EEPD1: variants seen among roughly 807,000 people sequenced by gnomAD.
EEPD1 encodes the protein endonuclease/exonuclease/phosphatase family domain containing 1.
Under a neutral mutation model 46.3 loss-of-function variants are expected in EEPD1, and 17 were observed. The observed-to-expected ratio is 0.37, with a 90% CI of 0.25 to 0.55. The LOEUF is 0.55. Ranked by LOEUF, EEPD1 falls within the 20% of genes least tolerant of loss-of-function variation. The pLI is 0.83. For missense variants in EEPD1, 673 were observed against 745.6 expected (o/e 0.90, Z 1.13); for synonymous variants, 313 against 315.6 (o/e 0.99, Z 0.09).
rs1209388350 is a variant in EEPD1 at position 36,287,664 on chromosome 7, T to C, written c.1202T>C (p.Val401Ala). 1.2e-6 allele frequency: 2 copies of C among 1,614,096 alleles called. No homozygotes were observed. The highest frequency in any genetic ancestry group is 1.1e-5 in the South Asian group (1 of 91,080). ...GTGGGAAGTCACGACCTGACCCTTG[T>C]TAACCTTCACCTGGCAGCCCTGACC... ...FKVGSHDLTL[V>A]NLHLAALTLL... The change falls in exon 6 of 8, where the codon GTT (valine) becomes GCT (alanine). Residue 401 changes from valine to alanine, a missense_variant. Val to Ala is a moderately conservative substitution (Grantham distance 64). Coordinates refer to ENST00000242108, the MANE Select transcript of EEPD1 (RefSeq NM_030636.3).
At chr7:36,202,588 G>C (rs1341962219) in intron 2 of EEPD1, among the ~76,000 whole-genome samples, 1 of 152,174 alleles carries the variant, frequency 6.6e-6, no homozygotes. Context: ...TAAGAGGCTT[G>C]TGGCAAGACT....
In EEPD1 at chr7:36,248,547, G is replaced by A. The variant is rs566157049; in HGVS notation, c.930+9511G>A. ...TTTTTTTTTTTTCCAAAAAAACACTGTGTTATTTCAAAAATATCAGAATGA... is the reference window on the plus strand; with the variant it reads ...TTTTTTTTTTTTCCAAAAAAACACTATGTTATTTCAAAAATATCAGAATGA... On this transcript the variant is annotated intron_variant, in intron 3 of 7. Transcript: ENST00000242108. 9.5e-5 allele frequency among the ~76,000 whole-genome samples: 13 copies of A among 136,890 alleles called. No individual in the cohort carries two copies. The South Asian group carries it at 1.9e-3, about 20-fold the overall frequency. The allele number at this position is 136,890 out of a possible 152,430, so 89.8% of individuals were successfully genotyped here.
chr7:36,210,734 G>A lies in EEPD1; in HGVS notation c.879-28251G>A, dbSNP rs537471611. 3.3e-5 allele frequency among the ~76,000 whole-genome samples: 5 copies of A among 152,222 alleles called. No individual in the cohort carries two copies. In the East Asian group the frequency reaches 5.8e-4, roughly 18 times the overall value. On this transcript the variant is annotated intron_variant, in intron 2 of 7. Transcript: ENST00000242108. ...CCTGCGCATTTGCTGCTGCCTCCGCGTAGACCTTTTCCTTTCTCATGACTC... is the reference window on the plus strand; with the variant it reads ...CCTGCGCATTTGCTGCTGCCTCCGCATAGACCTTTTCCTTTCTCATGACTC...
intron 6 of EEPD1, among the ~76,000 whole-genome samples, chr7:36,294,481 G>C (rs1787491944): frequency 6.6e-6 from 1 of 152,156 alleles, no homozygotes; most frequent in African/African-American, 2.4e-5. Flanking sequence ...AAGCTAAAGA[G>C]TGAAATGTAT....
At chr7:36,202,536 G>T (rs917223934) in intron 2 of EEPD1, among the ~76,000 whole-genome samples, 1 of 152,038 alleles carries the variant, frequency 6.6e-6, no homozygotes, top group Non-Finnish European at 1.5e-5. Context: ...GCTCTGCGAG[G>T]GTGTCCACAG....
intron 7 of EEPD1, 48 bp downstream of exon 7, chr7:36,297,235 G>C (rs376545349): frequency 4.4e-6 from 7 of 1,595,268 alleles, no homozygotes; most frequent in Non-Finnish European, 6.0e-6. Context: ...AATGGAGTGA[G>C]AGAAACATGT....
At chr7:36,200,718 A>T (rs1171406740) in intron 2 of EEPD1, among the ~76,000 whole-genome samples, 1 of 152,140 alleles carries the variant, frequency 6.6e-6, no homozygotes, top group Non-Finnish European at 1.5e-5. Flanking sequence ...CATTTCTCAG[A>T]CTGGATTCTT....
intron 2 of EEPD1, among the ~76,000 whole-genome samples, chr7:36,190,958 T>A (rs1163515005): frequency 6.6e-6 from 1 of 152,242 alleles, no homozygotes; most frequent in African/African-American, 2.4e-5. Context: ...CCACCTTCCC[T>A]TAAGTCACTA....
At chr7:36,253,811 C>T (rs866849239) in intron 3 of EEPD1, among the ~76,000 whole-genome samples, 6 of 152,072 alleles carry the variant, frequency 3.9e-5, no homozygotes, top group African/African-American at 9.7e-5. Flanking sequence ...CATTCAGTTA[C>T]GTATATCTTT....
intron 2 of EEPD1, among the ~76,000 whole-genome samples, chr7:36,156,155 ACT>A (rs937196522): frequency 6.6e-6 from 1 of 152,086 alleles, no homozygotes; most frequent in Non-Finnish European, 1.5e-5. Flanking sequence ...TTTCCTTTGC[ACT>A]GAGTTGTTGG....
chr7:36,232,877 G>C (rs1307938753), intron 2 of EEPD1, among the ~76,000 whole-genome samples: 1 of 152,076 alleles, frequency 6.6e-6, no homozygotes, highest in African/African-American at 2.4e-5. Context: ...TTTAGAGCCT[G>C]AAATTGTTGG....
intron 2 of EEPD1, among the ~76,000 whole-genome samples, chr7:36,196,738 C>T (rs886357307): frequency 6.6e-6 from 1 of 152,220 alleles, no homozygotes; most frequent in Non-Finnish European, 1.5e-5. Context: ...GGCTGGAGTG[C>T]AGTGGCGTGA....
intron 2 of EEPD1, among the ~76,000 whole-genome samples, chr7:36,196,063 A>G (rs1785576927): frequency 6.6e-6 from 1 of 152,222 alleles, no homozygotes; most frequent in South Asian, 2.1e-4. Flanking sequence ...GAATATTATA[A>G]CTGTAACACT....
chr7:36,289,762 G>C (rs1319271660), intron 6 of EEPD1, among the ~76,000 whole-genome samples: 1 of 152,236 alleles, frequency 6.6e-6, no homozygotes, highest in Non-Finnish European at 1.5e-5. Flanking sequence ...CCAAAGTGCT[G>C]GGATTACAGG....
intron 4 of EEPD1, among the ~76,000 whole-genome samples, chr7:36,282,008 A>G (rs13223282): frequency 6.6e-6 from 1 of 152,232 alleles, no homozygotes; most frequent in African/African-American, 2.4e-5. Flanking sequence ...AAAAGTGGCC[A>G]TTTTTTGACA....
intron 2 of EEPD1, among the ~76,000 whole-genome samples, chr7:36,237,391 C>T (rs1387313097): frequency 6.6e-6 from 1 of 152,190 alleles, no homozygotes; most frequent in Non-Finnish European, 1.5e-5. Flanking sequence ...CCTGCCTTGG[C>T]CTCCCAAAGT....
chr7:36,259,684 T>G (rs1334461010), intron 3 of EEPD1, among the ~76,000 whole-genome samples: 1 of 151,828 alleles, frequency 6.6e-6, no homozygotes, highest in Non-Finnish European at 1.5e-5. Context: ...TATTATAATT[T>G]TTTGTACTTT....
chr7:36,284,800 C>A lies in EEPD1; in HGVS notation c.1156C>A (p.Pro386Thr). The A allele has an allele frequency of 6.4e-7, 1 of 1,562,250 alleles. No homozygotes were observed. The highest frequency in any genetic ancestry group is 8.7e-7 in the Non-Finnish European group (1 of 1,153,098). ...NGHGKLAGPS[P>T]YLGRFKVGSH... ...GCACGGGAAGCTGGCGGGCCCCAGC[C>A]CATACCTCGGGAGGTTCAAGGTACC... The change falls in exon 5 of 8, where the codon CCA (proline) becomes ACA (threonine). Residue 386 changes from proline to threonine, a missense_variant. Physicochemically the swap from Pro to Thr is conservative, Grantham distance 38. Coordinates refer to ENST00000242108, the MANE Select transcript of EEPD1 (RefSeq NM_030636.3).
intron 2 of EEPD1, among the ~76,000 whole-genome samples, chr7:36,234,895 C>T (rs1786402620): frequency 6.6e-6 from 1 of 151,984 alleles, no homozygotes; most frequent in African/African-American, 2.4e-5. Context: ...GTGCTGAGTC[C>T]AGCCCAGGCC....
Sources: gnomAD v4.1 joint callset for allele counts (sites outside exome capture counted in the v4.1 genomes callset) on GRCh38, gnomAD v4.1.1 for gene constraint, MANE v1.5 for transcripts, NCBI Gene and HGNC (gene_info 2026-07-23, HGNC 2026-07-21) for gene names.